C8orf34: variants seen among roughly 807,000 people sequenced by gnomAD.
C8orf34 encodes uncharacterized protein C8orf34.
In C8orf34, 65 loss-of-function variants were observed where a neutral mutation model predicts 68.3. The ratio of observed to expected loss-of-function variants is 0.95; its 90% CI spans 0.78 to 1.17. The LOEUF (loss-of-function observed/expected upper bound fraction) is 1.17. Among genes scored for constraint, C8orf34 ranks in the 50% most tolerant of loss-of-function variants. The pLI is 0.00. For missense variants in C8orf34, 664 were observed against 655.4 expected, an observed-to-expected ratio of 1.01 and a Z score of -0.14; for synonymous variants, 244 against 241.2, an observed-to-expected ratio of 1.01 and a Z score of -0.11.
intron 5 of C8orf34, among the ~76,000 whole-genome samples, chr8:68,518,903 A>AAAT (rs1554571128): frequency 1.3e-5 from 2 of 150,212 alleles, no homozygotes; most frequent in African/African-American, 4.9e-5. Flanking sequence ...AAAAAAAAAA[A>AAAT]GGCAAGTATG....
intron 5 of C8orf34, among the ~76,000 whole-genome samples, chr8:68,520,450 A>T (rs1203509238): frequency 1.3e-5 from 2 of 151,728 alleles, no homozygotes; most frequent in Admixed American, 6.6e-5. Flanking sequence ...TGTTTTTTTT[A>T]AATTTTATTT....
At chr8:68,625,544 A>G (rs1276333567) in intron 7 of C8orf34, 1 of 689,726 alleles carries the variant, frequency 1.4e-6, no homozygotes, top group Non-Finnish European at 2.6e-6. Context: ...AAGGGATGAG[A>G]ACAGCATGTG....
intron 7 of C8orf34, among the ~76,000 whole-genome samples, chr8:68,612,201 A>T (rs902154010): frequency 2.6e-5 from 4 of 152,004 alleles, no homozygotes; most frequent in Non-Finnish European, 5.9e-5. Context: ...TATCACTAAC[A>T]TTTATGGGCT....
intron 7 of C8orf34, among the ~76,000 whole-genome samples, chr8:68,610,861 G>GTTTTTTTTTTTTTTTTTTTTTTTTT (rs60113883): frequency 1.7e-5 from 2 of 120,476 alleles, no homozygotes; most frequent in Non-Finnish European, 1.7e-5. Context: ...TGAATCTTTG[G>GTTTTTTTTTTTTTTTTTTTTTTTTT]TTTTTTTTTT....
chr8:68,360,254 C>T (rs1806926385), intron 1 of C8orf34, among the ~76,000 whole-genome samples: 1 of 152,146 alleles, frequency 6.6e-6, no homozygotes, highest in African/African-American at 2.4e-5. Context: ...ACTCAACCAA[C>T]CCCATGAAAT....
intron 12 of C8orf34, chr8:68,792,376 T>C (rs1824024665): frequency 6.6e-6 from 1 of 151,848 alleles, no homozygotes; most frequent in African/African-American, 2.4e-5. Flanking sequence ...ATCGAGACCA[T>C]CCTGGCTAAC....
At chr8:68,533,230 G>T in intron 7 of C8orf34, 81 bp downstream of exon 7, 1 of 1,475,828 alleles carries the variant, frequency 6.8e-7, no homozygotes, top group Non-Finnish European at 9.0e-7. Flanking sequence ...GATTTTAAAA[G>T]TTTTGAATAG....
intron 6 of C8orf34, chr8:68,525,944 ATTTC>A (rs1200004985): frequency 2.8e-5 from 6 of 217,554 alleles, no homozygotes; most frequent in Non-Finnish European, 3.5e-5. Flanking sequence ...AAAGAGACAA[ATTTC>A]TTTCTTTCTT....
In C8orf34 at chr8:68,790,701, GTTTC is replaced by G. The variant is rs148161959; in HGVS notation, c.1549+3171_1549+3174del. On this transcript the variant is annotated intron_variant, in intron 12 of 13. Coordinates refer to ENST00000518698, the MANE Select transcript of C8orf34 (RefSeq NM_052958.4). ...GTGAAAAAACTTGTGTCAGGGTTGT[GTTTC>G]TTTCTAATCTCTCAGATTATGGTCT... 4,503 of 454,818 alleles carry G rather than the reference GTTTC, an allele frequency of 9.9e-3. 176 individuals carry two copies. Among genetic ancestry groups the G allele is most frequent in the African/African-American group, 0.078 (3,918 of 49,982 alleles). The allele number at this position is 454,818 out of a possible 1,614,324, so 28.2% of individuals were successfully genotyped here. A position where few individuals can be genotyped will look rare whatever the true frequency, so the allele number is the denominator to read the frequency against.
intron 3 of C8orf34, among the ~76,000 whole-genome samples, chr8:68,450,945 A>C (rs1439017569): frequency 6.6e-6 from 1 of 152,090 alleles, no homozygotes; most frequent in Non-Finnish European, 1.5e-5. Flanking sequence ...AAAGTCCTAA[A>C]TGGCATCTTG....
intron 7 of C8orf34, among the ~76,000 whole-genome samples, chr8:68,561,890 A>G (rs1816442274): frequency 6.6e-6 from 1 of 152,196 alleles, no homozygotes; most frequent in African/African-American, 2.4e-5. Flanking sequence ...ATCTTGTCCC[A>G]CTGGAAGGTG....
At chr8:68,453,986 G>A (rs1811446645) in intron 3 of C8orf34, among the ~76,000 whole-genome samples, 1 of 152,116 alleles carries the variant, frequency 6.6e-6, no homozygotes, top group South Asian at 2.1e-4. Flanking sequence ...TATGATGGAA[G>A]TGTGTCGCAT....
intron 10 of C8orf34, among the ~76,000 whole-genome samples, chr8:68,759,407 C>T (rs1280025226): frequency 2.6e-5 from 4 of 152,144 alleles, no homozygotes; most frequent in African/African-American, 4.8e-5. Flanking sequence ...TAGCAAAATG[C>T]AATTTTGTGT....
intron 7 of C8orf34, chr8:68,534,382 G>A (rs1815376317): frequency 2.1e-6 from 2 of 947,482 alleles, no homozygotes; most frequent in Non-Finnish European, 2.5e-6. Context: ...CTTACTCTAT[G>A]CTAAGCACTT....
chr8:68,772,725 T>TTTTC (rs1396001822), intron 10 of C8orf34, among the ~76,000 whole-genome samples: 2 of 146,912 alleles, frequency 1.4e-5, no homozygotes, highest in Admixed American at 6.8e-5. Context: ...CTTTCTTTCT[T>TTTTC]TTTCTTTCTT....
chr8:68,471,925 A>AACACACACAC lies in C8orf34; in HGVS notation c.736+3135_736+3144dup, dbSNP rs10596354. Among the ~76,000 whole-genome samples the AACACACACAC allele has an allele frequency of 2.5e-3, 374 of 147,456 alleles. 1 individual carries two copies. The highest frequency in any genetic ancestry group is 0.014 in the Middle Eastern group (4 of 292). ...CTGCCAGCTTTTAGAGACTTAAATGAACACACACACACACACACACACACA... is the reference window on the plus strand; with the variant it reads ...CTGCCAGCTTTTAGAGACTTAAATGAACACACACACACACACACACACACACACACACACA... On this transcript the variant is annotated intron_variant, in intron 4 of 13. Transcript: ENST00000518698.
intron 1 of C8orf34, among the ~76,000 whole-genome samples, chr8:68,433,408 T>C (rs1810529923): frequency 6.6e-6 from 1 of 152,202 alleles, no homozygotes; most frequent in Non-Finnish European, 1.5e-5. Context: ...GCATATGTAT[T>C]GATTTAACAA....
intron 7 of C8orf34, among the ~76,000 whole-genome samples, chr8:68,545,730 C>T (rs571122607): frequency 3.3e-5 from 5 of 152,226 alleles, no homozygotes; most frequent in African/African-American, 4.8e-5. Context: ...ACTGTTAAAG[C>T]ATCCCTCAGG....
At chr8:68,451,433 T>C (rs1160561829) in intron 3 of C8orf34, among the ~76,000 whole-genome samples, 1 of 152,154 alleles carries the variant, frequency 6.6e-6, no homozygotes, top group East Asian at 1.9e-4. Flanking sequence ...TCTTTCAACA[T>C]GCTTTCCTCA....
Sources: gnomAD v4.1 joint callset for allele counts (sites outside exome capture counted in the v4.1 genomes callset) on GRCh38, gnomAD v4.1.1 for gene constraint, MANE v1.5 for transcripts, NCBI Gene and HGNC (gene_info 2026-07-23, HGNC 2026-07-21) for gene names.